The following ITGA11 variants were observed in gnomAD, a reference collection of about 807,000 sequenced individuals.
ITGA11 encodes integrin alpha-11.
A neutral mutation model predicts 141.9 loss-of-function variants in ITGA11; 97 were observed. The observed-to-expected ratio is 0.68, with a 90% confidence interval of 0.58 to 0.81. The LOEUF (loss-of-function observed/expected upper bound fraction) is 0.81, where lower values mean the gene tolerates loss of function less well. Among genes scored for constraint, ITGA11 ranks in the 30% least tolerant of loss-of-function variants. The probability of loss-of-function intolerance (pLI) is 0.00; values close to 1 mark genes in which losing one functional copy is unlikely to be tolerated. For synonymous variants in ITGA11, 658 were observed against 624.6 expected (o/e 1.05, Z -0.80); for missense variants, 1,387 against 1,559.2 (o/e 0.89, Z 1.86).
chr15:68,340,164 T>A (rs1018969541), intron 10 of ITGA11, among the ~76,000 whole-genome samples: 1 of 151,488 alleles, frequency 6.6e-6, no homozygotes, highest in African/African-American at 2.4e-5. Flanking sequence ...CCAGGGATAT[T>A]GTCCCCCGTA....
At chr15:68,339,837 A>G (rs576080150) in intron 10 of ITGA11, among the ~76,000 whole-genome samples, 193 bp from the exon 11 acceptor site, 4 of 152,276 alleles carry the variant, frequency 2.6e-5, no homozygotes, top group Admixed American at 2.6e-4. Context: ...TTCTTGCCCC[A>G]TTCCATCCTT....
intron 1 of ITGA11, among the ~76,000 whole-genome samples, chr15:68,417,753 T>A (rs1566944260): frequency 6.6e-6 from 1 of 152,232 alleles, no homozygotes; most frequent in Non-Finnish European, 1.5e-5. Flanking sequence ...GCATTTGCAG[T>A]CCCCTTTGTC....
At position 68,300,447 on chromosome 15, in the gene ITGA11, A is replaced by C. The variant is rs1893001511; in HGVS notation, c.*2612T>G. ...GATCCATAGTGGGTAGGGCCCTTGC[A>C]GTGGTCACTTTTAAAGCTCCCGTGG... On this transcript the variant is annotated 3_prime_UTR_variant, in exon 30 of 30. Transcript: ENST00000315757. 1 of 152,254 alleles carries C rather than the reference A, an allele frequency of 6.6e-6. No homozygotes were observed. Among genetic ancestry groups the C allele is most frequent in the South Asian group, 2.1e-4 (1 of 4,834 alleles). The allele number at this position is 152,254 out of a possible 1,614,324, so 9.4% of individuals were successfully genotyped here.
rs1893853855 is a variant in ITGA11 at position 68,322,837 on chromosome 15, G to GTAC, written c.2323-1335_2323-1334insGTA. On this transcript the variant is annotated intron_variant, in intron 18 of 29. Transcript: ENST00000315757. This position sits in a 1 kb window ranked among gnomAD's most constrained non-coding sequence, Gnocchi z 5.6. ...CGTGCCACTACACTCCAACCTGGGTGACAGAGGGAGATACCATTTCAAAAA... is the reference window on the plus strand; with the variant it reads ...CGTGCCACTACACTCCAACCTGGGTGTACACAGAGGGAGATACCATTTCAAAAA... 6.8e-6 allele frequency among the ~76,000 whole-genome samples: 1 copy of GTAC among 147,152 alleles called. No homozygotes were observed. The highest frequency in any genetic ancestry group is 6.9e-5 in the Admixed American group (1 of 14,402).
At chr15:68,418,110 G>A (rs928653987) in intron 1 of ITGA11, among the ~76,000 whole-genome samples, 5 of 152,168 alleles carry the variant, frequency 3.3e-5, no homozygotes, top group African/African-American at 9.7e-5. Flanking sequence ...TTACATCATG[G>A]TAATTGGCAA....
At chr15:68,364,647 A>ACCCCGCCCCCCCCCCCC in intron 4 of ITGA11, 60 bp downstream of exon 4, 2 of 904,832 alleles carry the variant, frequency 2.2e-6, no homozygotes, top group Non-Finnish European at 3.6e-6. Flanking sequence ...GAGACGCTCC[A>ACCCCGCCCCCCCCCCCC]CCCCTCCCCA....
rs551859763 is a variant in ITGA11, at chr15:68,303,698, C to T, written c.3495+74G>A. On this transcript the variant is annotated intron_variant, in intron 29 of 29. Transcript: ENST00000315757. This position sits in a 1 kb window ranked among gnomAD's most constrained non-coding sequence, Gnocchi z 5.3. ...GGAGAGGAGAACGTGGCAGCGGCCACGAAGTTCCAGGGGCTGGAGCCTGGG... is the reference window on the plus strand; with the variant it reads ...GGAGAGGAGAACGTGGCAGCGGCCATGAAGTTCCAGGGGCTGGAGCCTGGG... The T allele has an allele frequency of 9.4e-6, 10 of 1,067,646 alleles. No individual in the cohort carries two copies. Among genetic ancestry groups the T allele is most frequent in the African/African-American group, 4.8e-5 (3 of 63,156 alleles). 66.1% of individuals were successfully genotyped at this position (1,067,646 alleles called of 1,614,324 possible).
intron 3 of ITGA11, chr15:68,365,363 C>G: frequency 3.0e-6 from 3 of 986,294 alleles, no homozygotes; most frequent in Non-Finnish European, 3.6e-6. Context: ...GAATGCCATT[C>G]TGAAGGAGGC....
At position 68,325,164 on chromosome 15, in the gene ITGA11, C is replaced by T; in HGVS notation, c.2289G>A (p.Leu763=). ...SLEDPDHGPM[L]DDGWPTTLRV... is the part of the protein sequence containing the mutation. ...TGAGAGTGGTGGGCCAGCCGTCGTC[C>T]AGCATGGGGCCATGGTCAGGGTCCT... The change falls in exon 18 of 30, where the codon CTG becomes CTA. Residue 763 remains leucine (L), a synonymous_variant. Transcript: ENST00000315757. This position sits in a 1 kb window ranked among gnomAD's most constrained non-coding sequence, Gnocchi z 5.5. The T allele has an allele frequency of 6.2e-7, 1 of 1,613,908 alleles. No homozygotes were observed. The highest frequency in any genetic ancestry group is 8.5e-7 in the Non-Finnish European group (1 of 1,179,858).
At chr15:68,394,717 C>A (rs1595889225) in intron 2 of ITGA11, among the ~76,000 whole-genome samples, 1 of 151,740 alleles carries the variant, frequency 6.6e-6, no homozygotes, top group South Asian at 2.1e-4. Flanking sequence ...AGGGACAACA[C>A]AAATTACCAA....
chr15:68,396,393 A>G (rs1442947717), intron 2 of ITGA11, among the ~76,000 whole-genome samples: 3 of 152,110 alleles, frequency 2.0e-5, no homozygotes, highest in Non-Finnish European at 4.4e-5. Flanking sequence ...CCAACCTTAG[A>G]AAGCTATGAA....
intron 4 of ITGA11, 124 bp downstream of exon 4, chr15:68,364,583 G>T: frequency 1.3e-6 from 1 of 768,022 alleles, no homozygotes; most frequent in Non-Finnish European, 2.2e-6. Context: ...CAGGCAGCTT[G>T]GTGGTTGGAG....
At chr15:68,374,856 CCAATTAT>C (rs1204012883) in intron 2 of ITGA11, among the ~76,000 whole-genome samples, 3 of 152,226 alleles carry the variant, frequency 2.0e-5, no homozygotes, top group African/African-American at 7.2e-5. Context: ...CCCGGGAAAT[CCAATTAT>C]CATTGGTTAT....
intron 1 of ITGA11, among the ~76,000 whole-genome samples, chr15:68,415,465 G>A (rs1896866843): frequency 6.6e-6 from 1 of 152,240 alleles, no homozygotes. Context: ...CTGTGGAAAA[G>A]CATCATCTGT....
chr15:68,358,728 G>A, intron 5 of ITGA11, 143 bp from the exon 6 acceptor site: 2 of 925,724 alleles, frequency 2.2e-6, no homozygotes, highest in Non-Finnish European at 1.5e-6. Context: ...CCTTGGGTTG[G>A]ACATTTATTT....
intron 2 of ITGA11, among the ~76,000 whole-genome samples, chr15:68,387,895 A>G (rs546459192): frequency 1.3e-5 from 2 of 151,844 alleles, no homozygotes; most frequent in Non-Finnish European, 2.9e-5. Flanking sequence ...CTTCCTCCTC[A>G]TACCTATGGA....
intron 20 of ITGA11, 77 bp from the exon 21 acceptor site, chr15:68,317,440 G>C: frequency 1.0e-6 from 1 of 989,160 alleles, no homozygotes; most frequent in Non-Finnish European, 1.6e-6. Flanking sequence ...CTCACCCCCA[G>C]CCTGCACCCC....
At chr15:68,357,078 G>A (rs1895092572) in intron 7 of ITGA11, 73 bp downstream of exon 7, 8 of 1,384,794 alleles carry the variant, frequency 5.8e-6, no homozygotes, top group Non-Finnish European at 7.9e-6. Flanking sequence ...GTGGTAGTGT[G>A]TTACAAGGCA....
intron 2 of ITGA11, among the ~76,000 whole-genome samples, chr15:68,400,092 T>C (rs951804934): frequency 6.6e-6 from 1 of 152,078 alleles, no homozygotes; most frequent in African/African-American, 2.4e-5. Flanking sequence ...TGGAATAAAA[T>C]AGAGTCAAGA....
Sources: gnomAD v4.1 joint callset for allele counts (sites outside exome capture counted in the v4.1 genomes callset) on GRCh38, gnomAD v4.1.1 for gene constraint, Gnocchi (gnomAD v3.1) non-coding constraint, MANE v1.5 for transcripts, NCBI Gene and HGNC (gene_info 2026-07-23, HGNC 2026-07-21) for gene names.